OXR1: variants seen among roughly 807,000 people sequenced by gnomAD.
OXR1 encodes the protein oxidation resistance 1, also known as oxidation resistance protein 1.
In OXR1, 41 loss-of-function variants were observed where a neutral mutation model predicts 104.6. The observed-to-expected ratio is 0.39, with a 90% CI of 0.31 to 0.51. The LOEUF is 0.51. Among genes scored for constraint, OXR1 ranks in the 20% least tolerant of loss-of-function variants. The pLI is 0.77. For synonymous variants in OXR1, 348 were observed against 348.4 expected, an observed-to-expected ratio of 1.00 and a Z score of 0.01; for missense variants, 955 against 1,031.9, an observed-to-expected ratio of 0.93 and a Z score of 1.02.
At chr8:106,621,125 T>C (rs1821663150) in intron 3 of OXR1, among the ~76,000 whole-genome samples, 1 of 152,194 alleles carries the variant, frequency 6.6e-6, no homozygotes, top group South Asian at 2.1e-4. Flanking sequence ...TGAACTCCAG[T>C]GCTGAATGCA....
intron 2 of OXR1, among the ~76,000 whole-genome samples, chr8:106,439,595 T>C (rs1819705664): frequency 6.6e-6 from 1 of 152,120 alleles, no homozygotes; most frequent in Middle Eastern, 3.2e-3. Flanking sequence ...TGTTATGAAT[T>C]CCCATGTAGC....
intron 2 of OXR1, among the ~76,000 whole-genome samples, chr8:106,439,403 A>AG (rs1446379384): frequency 6.6e-6 from 1 of 151,454 alleles, no homozygotes; most frequent in Admixed American, 6.6e-5. Flanking sequence ...CAGAACTGTG[A>AG]GAAAAAAAAA....
chr8:106,343,551 C>G (rs914205055), intron 1 of OXR1, among the ~76,000 whole-genome samples: 4 of 152,276 alleles, frequency 2.6e-5, no homozygotes, highest in Non-Finnish European at 5.9e-5. Flanking sequence ...AAGAAAGAAA[C>G]TAGAAACTCC....
chr8:106,294,684 C>A (rs1812917259), intron 1 of OXR1, among the ~76,000 whole-genome samples: 1 of 152,104 alleles, frequency 6.6e-6, no homozygotes, highest in African/African-American at 2.4e-5. Flanking sequence ...ATCACAAAGA[C>A]AACACCAAGC....
intron 3 of OXR1, among the ~76,000 whole-genome samples, chr8:106,586,329 A>G (rs924684715): frequency 6.6e-6 from 1 of 152,162 alleles, no homozygotes; most frequent in Non-Finnish European, 1.5e-5. Flanking sequence ...AAGAAAAAAA[A>G]AGAGAGAAGA....
chr8:106,497,811 C>T (rs1008457187), intron 2 of OXR1, among the ~76,000 whole-genome samples: 4 of 144,240 alleles, frequency 2.8e-5, no homozygotes, highest in African/African-American at 5.5e-5. Flanking sequence ...TGTGTGCACA[C>T]GCGTGTGTGT....
At chr8:106,651,933 T>A (rs1048690045) in intron 3 of OXR1, among the ~76,000 whole-genome samples, 4 of 152,188 alleles carry the variant, frequency 2.6e-5, no homozygotes, top group Non-Finnish European at 4.4e-5. Context: ...TTAACTTCTT[T>A]CAATTATGTT....
At chr8:106,318,220 CA>C (rs200031080) in intron 1 of OXR1, among the ~76,000 whole-genome samples, 3,661 of 152,186 alleles carry the variant, frequency 0.024, 54 homozygotes, top group South Asian at 0.096. Flanking sequence ...AATGAAGAGC[CA>C]AAAGTTAGTG....
At chr8:106,312,843 A>G (rs1003846315) in intron 1 of OXR1, among the ~76,000 whole-genome samples, 7 of 152,202 alleles carry the variant, frequency 4.6e-5, no homozygotes, top group African/African-American at 1.7e-4. Context: ...ATTATCCTTC[A>G]AGATGCTAAT....
chr8:106,594,263 T>C (rs1390526258), intron 3 of OXR1, among the ~76,000 whole-genome samples: 2 of 152,194 alleles, frequency 1.3e-5, no homozygotes, highest in African/African-American at 4.8e-5. Flanking sequence ...TTAGTCCCCA[T>C]TAAAGTGAAA....
intron 1 of OXR1, among the ~76,000 whole-genome samples, chr8:106,310,210 A>G (rs951963063): frequency 6.8e-6 from 1 of 146,192 alleles, no homozygotes; most frequent in African/African-American, 2.6e-5. Flanking sequence ...GGAGTTAATA[A>G]TTGGTACAGT....
chr8:106,281,809 A>C (rs1812298995), intron 1 of OXR1, among the ~76,000 whole-genome samples: 2 of 150,852 alleles, frequency 1.3e-5, no homozygotes, highest in South Asian at 2.1e-4. Flanking sequence ...CAAAAAAAAA[A>C]AAAAAAAAAA....
At chr8:106,739,430 A>G in intron 12 of OXR1, 28 bp from the exon 13 acceptor site, 4 of 1,595,670 alleles carry the variant, frequency 2.5e-6, no homozygotes, top group Non-Finnish European at 3.4e-6. Context: ...AGTTTACATT[A>G]ATGCACTACC....
At chr8:106,490,704 C>G (rs916346745) in intron 2 of OXR1, among the ~76,000 whole-genome samples, 11 of 151,968 alleles carry the variant, frequency 7.2e-5, no homozygotes, top group African/African-American at 2.7e-4. Context: ...TAGGATGATC[C>G]TTGAGGGATG....
intron 3 of OXR1, among the ~76,000 whole-genome samples, chr8:106,638,994 G>A (rs913760465): frequency 1.3e-5 from 2 of 152,052 alleles, no homozygotes; most frequent in Admixed American, 6.6e-5. Context: ...TCATGAATGG[G>A]ACAGCATCCC....
chr8:106,570,625 C>T (rs1317844179), intron 3 of OXR1, among the ~76,000 whole-genome samples: 1 of 152,160 alleles, frequency 6.6e-6, no homozygotes, highest in Non-Finnish European at 1.5e-5. Flanking sequence ...CCTTTTCCAT[C>T]CTGTGAGAAG....
At chr8:106,597,425 T>C (rs115286497) in intron 3 of OXR1, among the ~76,000 whole-genome samples, 2,175 of 152,322 alleles carry the variant, frequency 0.014, 42 homozygotes, top group African/African-American at 0.049. Context: ...ATTTCTGTTC[T>C]TTGTAAGCCA....
At chr8:106,461,312 C>G (rs889780917) in intron 2 of OXR1, among the ~76,000 whole-genome samples, 1 of 152,088 alleles carries the variant, frequency 6.6e-6, no homozygotes, top group Non-Finnish European at 1.5e-5. Flanking sequence ...TGGCTCATGC[C>G]TATAATCCCA....
At chr8:106,406,561 T>G (rs1429016449) in intron 2 of OXR1, among the ~76,000 whole-genome samples, 1 of 152,116 alleles carries the variant, frequency 6.6e-6, no homozygotes, top group Non-Finnish European at 1.5e-5. Flanking sequence ...TAAGAAATCT[T>G]AAATGCGTAT....
Sources: gnomAD v4.1 joint callset for allele counts (sites outside exome capture counted in the v4.1 genomes callset) on GRCh38, gnomAD v4.1.1 for gene constraint, MANE v1.5 for transcripts, NCBI Gene and HGNC (gene_info 2026-07-23, HGNC 2026-07-21) for gene names.